EIF4A1: variants seen among roughly 807,000 people sequenced by gnomAD.
EIF4A1 encodes the protein eukaryotic translation initiation factor 4A1.
EIF4A1 carries 11 observed loss-of-function variants against 53.5 expected under a neutral mutation model. The ratio of observed to expected loss-of-function variants is 0.21; its 90% confidence interval spans 0.13 to 0.34. EIF4A1 has a LOEUF of 0.34. Among genes scored for constraint, EIF4A1 ranks in the 10% least tolerant of loss-of-function variants. The pLI, the probability that EIF4A1 is intolerant of heterozygous loss-of-function variation, is 1.00. For synonymous variants in EIF4A1, 237 were observed against 186.7 expected (o/e 1.27, Z -2.20); for missense variants, 213 against 530.8 (o/e 0.40, Z 5.88).
At position 7,578,402 on chromosome 17, in the gene EIF4A1, A is replaced by C. The variant is rs1274842003; in HGVS notation, c.1137A>C (p.Glu379Asp). The change falls in exon 11 of 11, where the codon GAA becomes GAC. Residue 379 changes from glutamate (E) to aspartate (D), a missense_variant. Glu to Asp is a conservative substitution (Grantham distance 45). Coordinates refer to ENST00000293831, the MANE Select transcript of EIF4A1 (RefSeq NM_001416.4). ...TGGCTATTAACATGGTGACAGAAGA[A>C]GACAAGAGGACTCTTCGAGACATTG... ...KGVAINMVTEEDKRTLRDIET... is the reference protein window; with the variant it reads ...KGVAINMVTEDDKRTLRDIET... The C allele has an allele frequency of 8.1e-6, 13 of 1,613,658 alleles. No homozygotes were observed. Among genetic ancestry groups the C allele is most frequent in the African/African-American group, 4.0e-5 (3 of 74,878 alleles).
intron 5 of EIF4A1, 111 bp from the exon 6 acceptor site, chr17:7,576,945 C>T (rs1555568056): frequency 7.1e-7 from 1 of 1,401,630 alleles, no homozygotes; most frequent in East Asian, 2.3e-5. Context: ...TCTTTGTACT[C>T]TGAGAGCAGA....
Position 7,577,058 on chromosome 17 carries a change from C to T in EIF4A1, c.517C>T (p.Pro173Ser). 6.2e-7 allele frequency: 1 copy of T among 1,613,948 alleles called. No individual in the cohort carries two copies. Among genetic ancestry groups the T allele is most frequent in the South Asian group, 1.1e-5 (1 of 91,006 alleles). The change falls in exon 6 of 11, where the codon CCC becomes TCC. Residue 173 changes from proline to serine, a missense_variant and splice_region_variant. Transcript: ENST00000293831. This position sits in a 1 kb window ranked among gnomAD's most constrained non-coding sequence, Gnocchi z 4.7. ...TTGGCTTTTTTTTTCTTCTCTAGCC[C>T]CCAAATACATCAAGATGTTTGTACT... is the stretch of plus-strand genomic sequence containing the variant. ...FDMLNRRYLSPKYIKMFVLDE... is the reference protein window; with the variant it reads ...FDMLNRRYLSSKYIKMFVLDE...
intron 1 of EIF4A1, among the ~76,000 whole-genome samples, chr17:7,573,077 G>A (rs1387973819): frequency 6.6e-6 from 1 of 152,176 alleles, no homozygotes; most frequent in African/African-American, 2.4e-5. Context: ...CTAGGGTCAG[G>A]CGTGCGAGGT....
chr17:7,576,797 C>T (rs761415581), intron 5 of EIF4A1, 105 bp downstream of exon 5: 3 of 1,541,324 alleles, frequency 1.9e-6, no homozygotes, highest in Non-Finnish European at 2.6e-6. Flanking sequence ...TGGTTTCTCT[C>T]TGGGGGAAGA....
chr17:7,575,330 G>C, intron 4 of EIF4A1, 72 bp downstream of exon 4: 1 of 1,604,038 alleles, frequency 6.2e-7, no homozygotes, highest in Non-Finnish European at 8.5e-7. Context: ...GACCAGAGAA[G>C]TCTTCTCTGA....
chr17:7,577,979 G>C lies in EIF4A1; in HGVS notation c.996+63G>C, dbSNP rs776261684. 1 of 1,605,154 alleles carries C rather than the reference G, an allele frequency of 6.2e-7. No homozygotes were observed. The highest frequency in any genetic ancestry group is 8.5e-7 in the Non-Finnish European group (1 of 1,172,054). ...GATCCAAGGTGATTCCCTCTCCAAGGGGACATCAGTGCCTCTCAGGAAAGT... is the reference window on the plus strand; with the variant it reads ...GATCCAAGGTGATTCCCTCTCCAAGCGGACATCAGTGCCTCTCAGGAAAGT... On this transcript the variant is annotated intron_variant, in intron 9 of 10. Transcript: ENST00000293831. This position sits in a 1 kb window ranked among gnomAD's most constrained non-coding sequence, Gnocchi z 4.7.
Position 7,577,004 on chromosome 17 carries a change from C to T in EIF4A1, c.515-52C>T, listed in dbSNP as rs368324276. ...TATCAGCGAAGTTGGATATATCTCT[C>T]CCACATTTCCCTAATCATATGCTAT... On this transcript the variant is annotated intron_variant, in intron 5 of 10. Coordinates refer to ENST00000293831, the MANE Select transcript of EIF4A1 (RefSeq NM_001416.4). The surrounding 1 kb of genome is among the most constrained non-coding windows in gnomAD (Gnocchi z 4.7). 1.3e-6 allele frequency: 2 copies of T among 1,598,822 alleles called. No individual in the cohort carries two copies. Among genetic ancestry groups the T allele is most frequent in the African/African-American group, 2.7e-5 (2 of 74,484 alleles).
rs2071404218 is a variant in EIF4A1, at chr17:7,576,536, G to A, written c.358G>A (p.Val120Ile). ...RELAQQIQKV[V>I]MALGDYMGAS... ...TCTCTCTGCTCAGATACAGAAGGTGGTCATGGCACTAGGAGACTACATGGG... is the reference window on the plus strand; with the variant it reads ...TCTCTCTGCTCAGATACAGAAGGTGATCATGGCACTAGGAGACTACATGGG... The change falls in exon 5 of 11, where the codon GTC becomes ATC. Residue 120 changes from valine to isoleucine, a missense_variant. By Grantham distance (29) the Val-to-Ile change is conservative. Transcript: ENST00000293831. 1.6e-5 allele frequency: 25 copies of A among 1,591,180 alleles called. No homozygotes were observed. Among genetic ancestry groups the A allele is most frequent in the Non-Finnish European group, 2.1e-5 (25 of 1,166,750 alleles).
rs367608798 is a variant in EIF4A1, at chr17:7,575,258, G to A, written c.345G>A (p.Gln115=). Residue 115 remains glutamine (Q), a splice_region_variant and synonymous_variant, in exon 4 of 11, where the codon CAG becomes CAA. Coordinates refer to ENST00000293831, the MANE Select transcript of EIF4A1 (RefSeq NM_001416.4). ...CACCCACTCGAGAATTGGCTCAGCA[G>A]GTAAGAGTGGCTTCTATTCCCTCCT... The part of the protein sequence containing the change: ...VLAPTRELAQ[Q]IQKVVMALGD... The A allele has an allele frequency of 6.2e-7, 1 of 1,613,860 alleles. No individual in the cohort carries two copies. The highest frequency in any genetic ancestry group is 1.3e-5 in the African/African-American group (1 of 74,910).
chr17:7,576,899 G>C, intron 5 of EIF4A1, 157 bp from the exon 6 acceptor site: 1 of 1,331,646 alleles, frequency 7.5e-7, no homozygotes, highest in Non-Finnish European at 1.1e-6. Flanking sequence ...CAGGGCTGTT[G>C]TCTGCCTGGC....
At position 7,577,469 on chromosome 17, in the gene EIF4A1, C is replaced by T; in HGVS notation, c.750C>T (p.Tyr250=). The T allele has an allele frequency of 6.2e-7, 1 of 1,614,126 alleles. No homozygotes were observed. The highest frequency in any genetic ancestry group is 8.5e-7 in the Non-Finnish European group (1 of 1,180,010). Residue 250 remains tyrosine, a synonymous_variant, in exon 7 of 11, where the codon TAC becomes TAT. Coordinates refer to ENST00000293831, the MANE Select transcript of EIF4A1 (RefSeq NM_001416.4). The surrounding 1 kb of genome is among the most constrained non-coding windows in gnomAD (Gnocchi z 4.7). ...ELTLEGIRQF[Y]INVEREEWKL... ...CCCTGGAGGGTATCCGCCAGTTCTA[C>T]ATCAACGTGGAACGAGAGGTGGGGC...
chr17:7,574,177 G>T (rs994807104), intron 1 of EIF4A1, 83 bp from the exon 2 acceptor site: 8 of 1,529,366 alleles, frequency 5.2e-6, no homozygotes, highest in African/African-American at 1.4e-5. Context: ...CATCATGCAG[G>T]CCACTCCTGA....
chr17:7,574,188 CAG>C lies in EIF4A1; in HGVS notation c.24-69_24-68del, dbSNP rs1275574407. 121 of 1,591,892 alleles carry C rather than the reference CAG, an allele frequency of 7.6e-5. No individual in the cohort carries two copies. In the African/African-American group the frequency reaches 1.5e-3, roughly 20 times the overall value. Reference sequence around the variant, plus strand: ...ATGGCATCATGCAGGCCACTCCTGACAGAGCCCGGCTGTCAGGATTTCTGAGT... The same window carrying C: ...ATGGCATCATGCAGGCCACTCCTGACAGCCCGGCTGTCAGGATTTCTGAGT... On this transcript the variant is annotated intron_variant, in intron 1 of 10. Coordinates refer to ENST00000293831, the MANE Select transcript of EIF4A1 (RefSeq NM_001416.4).
chr17:7,578,465 C>T lies in EIF4A1; in HGVS notation c.1200C>T (p.Leu400=), dbSNP rs187107302. ...FYNTSIEEMP[L]NVADLI is the part of the protein sequence containing the mutation. ...ACACCTCCATTGAGGAAATGCCCCT[C>T]AATGTTGCTGACCTCATCTGAGGGG... The change falls in exon 11 of 11, where the codon CTC becomes CTT. Residue 400 remains leucine (L), a synonymous_variant. Transcript: ENST00000293831. The T allele has an allele frequency of 1.6e-5, 26 of 1,609,574 alleles. No individual in the cohort carries two copies. In the East Asian group the frequency reaches 3.8e-4, roughly 23 times the overall value.
chr17:7,574,360 T>G (rs774528053), intron 2 of EIF4A1, 52 bp downstream of exon 2: 11 of 1,613,696 alleles, frequency 6.8e-6, no homozygotes, highest in Non-Finnish European at 9.3e-6. Flanking sequence ...CTTTCAGCCG[T>G]ATAGAGTTAG....
intron 1 of EIF4A1, 47 bp downstream of exon 1, chr17:7,572,911 C>T (rs1167700030): frequency 2.5e-6 from 4 of 1,613,992 alleles, no homozygotes; most frequent in Non-Finnish European, 2.5e-6. Flanking sequence ...TTTTGCCGCC[C>T]CCTTCCGACG....
chr17:7,575,376 ACT>A lies in EIF4A1; in HGVS notation c.345+122_345+123del, dbSNP rs759801434. 20 of 1,394,886 alleles carry A rather than the reference ACT, an allele frequency of 1.4e-5. No individual in the cohort carries two copies. In the East Asian group the frequency reaches 2.8e-4, roughly 19 times the overall value. 86.4% of individuals were successfully genotyped at this position (1,394,886 alleles called of 1,614,324 possible). ...GGGAGGAAGACATGGGTGCCCTAAC[ACT>A]CTCGAGACCTGCTGGGTTAATTAAA... On this transcript the variant is annotated intron_variant, in intron 4 of 10. Coordinates refer to ENST00000293831, the MANE Select transcript of EIF4A1 (RefSeq NM_001416.4).
At position 7,576,781 on chromosome 17, in the gene EIF4A1, G is replaced by A. The variant is rs541957897; in HGVS notation, c.514+89G>A. The A allele has an allele frequency of 1.1e-4, 167 of 1,550,400 alleles. 1 individual carries two copies. In the East Asian group the frequency reaches 3.2e-3, roughly 30 times the overall value. On this transcript the variant is annotated intron_variant, in intron 5 of 10. Transcript: ENST00000293831. ...CAGCGTAAGCCAGAGTCATTCCCAA[G>A]GATGCTGGTTTCTCTCTGGGGGAAG...
chr17:7,576,025 T>C (rs2071397088), intron 4 of EIF4A1: 2 of 155,284 alleles, frequency 1.3e-5, no homozygotes, highest in South Asian at 3.8e-4. Flanking sequence ...ATACAAAAAT[T>C]AGCCAGGCAT....
Sources: gnomAD v4.1 joint callset for allele counts (sites outside exome capture counted in the v4.1 genomes callset) on GRCh38, gnomAD v4.1.1 for gene constraint, Gnocchi (gnomAD v3.1) non-coding constraint, MANE v1.5 for transcripts, NCBI Gene and HGNC (gene_info 2026-07-23, HGNC 2026-07-21) for gene names.